Variants in BCL2L11 observed in about 807,000 individuals in gnomAD.
BCL2L11 encodes BCL2 like 11.
In BCL2L11, 15 loss-of-function variants were observed where a neutral mutation model predicts 20.6. That is an observed-to-expected ratio of 0.73 (90% CI 0.49 to 1.12). BCL2L11 has a LOEUF of 1.12. Among genes scored for constraint, BCL2L11 ranks in the 50% most tolerant of loss-of-function variants. The pLI is 0.00. For missense variants in BCL2L11, 292 were observed against 260.9 expected, an observed-to-expected ratio of 1.12 and a Z score of -0.82; for synonymous variants, 108 against 92.8, an observed-to-expected ratio of 1.16 and a Z score of -0.94.
chr2:111,128,733 C>T, intron 2 of BCL2L11: 2 of 1,547,974 alleles, frequency 1.3e-6, no homozygotes, highest in Non-Finnish European at 1.7e-6. Flanking sequence ...AACAACTCAA[C>T]CACAAGGATT....
rs1254436503 is a variant in BCL2L11, at chr2:111,120,932, G to A, written c.-270G>A. 6 of 354,086 alleles carry A rather than the reference G, an allele frequency of 1.7e-5. No individual in the cohort carries two copies. The highest frequency in any genetic ancestry group is 2.5e-5 in the Non-Finnish European group (5 of 200,562). 21.9% of individuals were successfully genotyped at this position (354,086 alleles called of 1,614,324 possible). On this transcript the variant is annotated 5_prime_UTR_variant, in exon 1 of 4. Transcript: ENST00000393256. ...AGGTTTCACTTCGCTCCGCGCAGCC[G>A]CCTGGTCTGCAGTTTGTTGGAGCTC...
At chr2:111,160,918 T>C (rs867452797) in intron 3 of BCL2L11, among the ~76,000 whole-genome samples, 1 of 152,254 alleles carries the variant, frequency 6.6e-6, no homozygotes, top group African/African-American at 2.4e-5. Flanking sequence ...CTAGGGCTGC[T>C]GTGCAGAGTT....
At chr2:111,157,147 A>G (rs2077968170) in intron 3 of BCL2L11, among the ~76,000 whole-genome samples, 1 of 152,190 alleles carries the variant, frequency 6.6e-6, no homozygotes, top group Non-Finnish European at 1.5e-5. Context: ...GCAGGTGCCT[A>G]CACCTGCAGG....
chr2:111,146,436 A>G (rs1193399042), intron 2 of BCL2L11, among the ~76,000 whole-genome samples: 1 of 152,206 alleles, frequency 6.6e-6, no homozygotes, highest in African/African-American at 2.4e-5. Flanking sequence ...AATTGGGTTG[A>G]GTATCCAGGT....
chr2:111,141,630 A>G (rs533057126), intron 2 of BCL2L11, among the ~76,000 whole-genome samples: 3 of 151,764 alleles, frequency 2.0e-5, no homozygotes, highest in Admixed American at 6.6e-5. Context: ...TAACCTGCAC[A>G]TTGTGCACAT....
intron 2 of BCL2L11, 91 bp downstream of exon 2, chr2:111,124,230 C>G (rs536830692): frequency 1.1e-5 from 15 of 1,370,456 alleles, no homozygotes; most frequent in South Asian, 7.2e-5. Flanking sequence ...CCTTTTAAAA[C>G]CCCGTAACTG....
intron 2 of BCL2L11, among the ~76,000 whole-genome samples, chr2:111,136,602 T>C (rs1050549273): frequency 4.6e-5 from 7 of 152,184 alleles, no homozygotes; most frequent in Non-Finnish European, 7.4e-5. Flanking sequence ...TGGAGGGTGA[T>C]AAGTACAAGA....
At chr2:111,159,634 T>C (rs2078312564) in intron 3 of BCL2L11, among the ~76,000 whole-genome samples, 1 of 152,204 alleles carries the variant, frequency 6.6e-6, no homozygotes, top group African/African-American at 2.4e-5. Flanking sequence ...AAGAGAGTGG[T>C]GTTCTGTGAT....
chr2:111,158,920 C>G (rs992153990), intron 3 of BCL2L11, among the ~76,000 whole-genome samples: 1 of 152,116 alleles, frequency 6.6e-6, no homozygotes, highest in Non-Finnish European at 1.5e-5. Flanking sequence ...TTTAAGTCCC[C>G]TTTGAGCCAT....
intron 2 of BCL2L11, among the ~76,000 whole-genome samples, chr2:111,139,504 ACTTCTACAACTG>A (rs1298689692): frequency 1.3e-5 from 2 of 152,214 alleles, no homozygotes; most frequent in Admixed American, 1.3e-4. Context: ...TGAAATCAAG[ACTTCTACAACTG>A]CGTTTTCCTT....
intron 2 of BCL2L11, among the ~76,000 whole-genome samples, chr2:111,148,538 G>A (rs2150484115): frequency 6.6e-6 from 1 of 152,328 alleles, no homozygotes; most frequent in South Asian, 2.1e-4. Flanking sequence ...ATATTTGTGT[G>A]ACACAGGTAC....
chr2:111,123,663 AG>A, intron 1 of BCL2L11, 69 bp from the exon 2 acceptor site: 1 of 1,315,402 alleles, frequency 7.6e-7, no homozygotes, highest in Non-Finnish European at 9.9e-7. Flanking sequence ...TCGCTAGGTG[AG>A]AGCTAATTTG....
At chr2:111,137,198 A>G (rs976049984) in intron 2 of BCL2L11, among the ~76,000 whole-genome samples, 1 of 152,208 alleles carries the variant, frequency 6.6e-6, no homozygotes, top group African/African-American at 2.4e-5. Flanking sequence ...GTACATTCTG[A>G]TGCCTTGCTG....
At chr2:111,132,731 A>C (rs1482061038) in intron 2 of BCL2L11, among the ~76,000 whole-genome samples, 1 of 152,194 alleles carries the variant, frequency 6.6e-6, no homozygotes, top group African/African-American at 2.4e-5. Flanking sequence ...AGATCGGGTG[A>C]ATTCCATTCT....
chr2:111,129,557 A>G (rs1376991787), intron 2 of BCL2L11, among the ~76,000 whole-genome samples: 1 of 152,218 alleles, frequency 6.6e-6, no homozygotes, highest in Non-Finnish European at 1.5e-5. Flanking sequence ...TAATTATAGT[A>G]TACTGTCACA....
intron 3 of BCL2L11, chr2:111,161,479 G>C: frequency 1.3e-6 from 2 of 1,550,272 alleles, no homozygotes; most frequent in South Asian, 1.2e-5. Flanking sequence ...GACACTAGGC[G>C]GGAGGCCAGC....
intron 1 of BCL2L11, among the ~76,000 whole-genome samples, chr2:111,121,783 T>C (rs2071006939): frequency 6.6e-6 from 1 of 152,222 alleles, no homozygotes; most frequent in South Asian, 2.1e-4. Flanking sequence ...GGCCCCTGCT[T>C]GCTCTGCAGG....
intron 2 of BCL2L11, among the ~76,000 whole-genome samples, chr2:111,127,651 T>A (rs988338519): frequency 6.6e-6 from 1 of 152,076 alleles, no homozygotes; most frequent in African/African-American, 2.4e-5. Context: ...AAGAAAAAGA[T>A]CCTGACCTCT....
intron 2 of BCL2L11, among the ~76,000 whole-genome samples, chr2:111,145,461 C>G (rs778413963): frequency 6.6e-6 from 1 of 152,068 alleles, no homozygotes; most frequent in African/African-American, 2.4e-5. Flanking sequence ...TTTAGCCTGA[C>G]TGATACTGAG....
Sources: allele counts gnomAD v4.1 joint callset (sites outside exome capture counted in the v4.1 genomes callset), GRCh38; gene constraint gnomAD v4.1.1; transcripts MANE v1.5; gene names NCBI Gene and HGNC (gene_info 2026-07-23, HGNC 2026-07-21).